SLTM: variants seen among roughly 807,000 people sequenced by gnomAD.
SLTM encodes SAFB like transcription modulator.
A neutral mutation model predicts 134.6 loss-of-function variants in SLTM; 43 were observed. That is an observed-to-expected ratio of 0.32 (90% CI 0.25 to 0.41). The LOEUF (loss-of-function observed/expected upper bound fraction) is 0.41, where lower values mean the gene tolerates loss of function less well. Among genes scored for constraint, SLTM ranks in the 10% least tolerant of loss-of-function variants. The probability of loss-of-function intolerance (pLI) is 1.00; values close to 1 mark genes in which losing one functional copy is unlikely to be tolerated. For synonymous variants in SLTM, 424 were observed against 432.3 expected, an observed-to-expected ratio of 0.98 and a Z score of 0.24; for missense variants, 1,055 against 1,288.8, an observed-to-expected ratio of 0.82 and a Z score of 2.78.
chr15:58,911,128 A>G, intron 5 of SLTM, among the ~76,000 whole-genome samples: 1 of 152,128 alleles, frequency 6.6e-6, no homozygotes, highest in East Asian at 1.9e-4. Flanking sequence ...TCCTTCCCGA[A>G]TATTCCAAAT....
intron 8 of SLTM, chr15:58,897,533 T>C: frequency 5.0e-6 from 1 of 199,720 alleles, no homozygotes. Context: ...CTGCACTGAA[T>C]AGAGACAACT....
chr15:58,890,923 A>G (rs1380133487), intron 14 of SLTM, among the ~76,000 whole-genome samples: 1 of 152,236 alleles, frequency 6.6e-6, no homozygotes, highest in Non-Finnish European at 1.5e-5. Context: ...CATCAATAAT[A>G]GCAAATACTA....
chr15:58,898,773 C>T lies in SLTM; in HGVS notation c.1108+30G>A, dbSNP rs1407634021. Reference sequence around the variant, plus strand: ...TTAATGAAAATACACAATGTCAACACTGAAATAAATAGGGAAAAAAATTCT... The same window carrying T: ...TTAATGAAAATACACAATGTCAACATTGAAATAAATAGGGAAAAAAATTCT... On this transcript the variant is annotated intron_variant, in intron 8 of 20. Transcript: ENST00000380516. 6 of 1,535,334 alleles carry T rather than the reference C, an allele frequency of 3.9e-6. No individual in the cohort carries two copies. In the African/African-American group the frequency reaches 8.3e-5, roughly 21 times the overall value.
intron 9 of SLTM, among the ~76,000 whole-genome samples, chr15:58,895,373 AT>A (rs1414916351): frequency 6.6e-6 from 1 of 152,226 alleles, no homozygotes; most frequent in Admixed American, 6.5e-5. Context: ...CTTTCAATCT[AT>A]GTGCTTTTAA....
chr15:58,880,619 A>G (rs2033619457), intron 20 of SLTM, among the ~76,000 whole-genome samples: 1 of 152,190 alleles, frequency 6.6e-6, no homozygotes, highest in Non-Finnish European at 1.5e-5. Flanking sequence ...GTGCAGTGGC[A>G]CATTCATGGC....
intron 6 of SLTM, 134 bp from the exon 7 acceptor site, chr15:58,900,071 A>C (rs79508700): frequency 1.0e-5 from 7 of 676,040 alleles, no homozygotes; most frequent in African/African-American, 3.6e-5. Context: ...AAAAAAAAAA[A>C]ACACAAGGGT....
chr15:58,887,065 G>T lies in SLTM; in HGVS notation c.2745C>A (p.Gly915=), dbSNP rs2124203. 4 of 1,613,772 alleles carry T rather than the reference G, an allele frequency of 2.5e-6. No individual in the cohort carries two copies. ...CGCTGCTACGATTCCCAGGGGGAGC[G>T]CCTCTCACACTGTGCCCTGATACTT... The part of the protein sequence containing the change: ...GREVSGHSVR[G]APPGNRSSAS... The change falls in exon 19 of 21, where the codon GGC becomes GGA. Residue 915 remains glycine, a synonymous_variant. Coordinates refer to ENST00000380516, the MANE Select transcript of SLTM (RefSeq NM_024755.4).
chr15:58,917,157 C>CA, intron 2 of SLTM, 158 bp from the exon 3 acceptor site: 2 of 615,964 alleles, frequency 3.2e-6, no homozygotes, highest in Non-Finnish European at 2.8e-6. Flanking sequence ...CTGTCCCAAA[C>CA]AAAAAAAGCT....
chr15:58,894,474 G>A lies in SLTM; in HGVS notation c.1336C>T (p.His446Tyr). Residue 446 changes from histidine to tyrosine, a missense_variant, in exon 10 of 21, where the codon CAT (histidine) becomes TAT (tyrosine). By Grantham distance (83) the His-to-Tyr change is moderately conservative. This residue lies in a region of SLTM where 776 missense variants were observed against 962.2 expected (regional missense o/e 0.81). Transcript: ENST00000380516. ...AGCTGTCCATGCAGCTCAGTGCGAT[G>A]AAGATGTGCAATACACCTGGACACC... ...TEVSRCIAHL[H>Y]RTELHGQLIS... is the part of the protein sequence containing the mutation. 1 of 1,614,138 alleles carries A rather than the reference G, an allele frequency of 6.2e-7. No homozygotes were observed.
chr15:58,909,581 G>T (rs1479933816), intron 5 of SLTM, among the ~76,000 whole-genome samples: 7 of 152,146 alleles, frequency 4.6e-5, no homozygotes, highest in African/African-American at 1.2e-4. Flanking sequence ...ACCCCTAATT[G>T]GGTATGAATC....
At chr15:58,901,087 AGAAAATTAAAACCAATT>A in intron 6 of SLTM, 156 bp downstream of exon 6, 1 of 610,786 alleles carries the variant, frequency 1.6e-6, no homozygotes, top group Non-Finnish European at 2.9e-6. Flanking sequence ...AGTGTTCAAA[AGAAAATTAAAACCAATT>A]GGAAAATAAA....
chr15:58,888,655 T>A, intron 16 of SLTM, 100 bp from the exon 17 acceptor site: 1 of 1,139,478 alleles, frequency 8.8e-7, no homozygotes, highest in Non-Finnish European at 1.2e-6. Context: ...ACTGTGGACA[T>A]AACAGGGCTA....
intron 2 of SLTM, among the ~76,000 whole-genome samples, chr15:58,929,667 C>T (rs1200658038): frequency 6.6e-6 from 1 of 152,048 alleles, no homozygotes; most frequent in Non-Finnish European, 1.5e-5. Flanking sequence ...CTCAAGCGAT[C>T]CTCCCACCTT....
At chr15:58,933,272 C>T in intron 1 of SLTM, 132 bp downstream of exon 1, 1 of 977,626 alleles carries the variant, frequency 1.0e-6, no homozygotes, top group Non-Finnish European at 1.4e-6. Context: ...GGGAGCCGCC[C>T]CTGGCCTCCC....
intron 2 of SLTM, among the ~76,000 whole-genome samples, chr15:58,927,537 C>T (rs1390169311): frequency 6.6e-6 from 1 of 152,210 alleles, no homozygotes; most frequent in African/African-American, 2.4e-5. Flanking sequence ...TCCCAAAGTA[C>T]TGGGATTACA....
Position 58,893,815 on chromosome 15 carries a change from G to A in SLTM, c.1648+6C>T, listed in dbSNP as rs1279341704. 2 of 1,604,408 alleles carry A rather than the reference G, an allele frequency of 1.2e-6. No individual in the cohort carries two copies. Among genetic ancestry groups the A allele is most frequent in the Non-Finnish European group, 1.7e-6 (2 of 1,177,548 alleles). ...TAGAAAGGGATTGAAAAGATGTATA[G>A]CATACTTATTCGCTTCTTTTCTTCA... On this transcript the variant is annotated splice_donor_region_variant and intron_variant, in intron 12 of 20. Coordinates refer to ENST00000380516, the MANE Select transcript of SLTM (RefSeq NM_024755.4).
chr15:58,927,757 A>G (rs1355532363), intron 2 of SLTM, among the ~76,000 whole-genome samples: 16 of 152,220 alleles, frequency 1.1e-4, no homozygotes, highest in African/African-American at 3.4e-4. Flanking sequence ...AGAAATATCT[A>G]TAACAATTAT....
intron 3 of SLTM, among the ~76,000 whole-genome samples, chr15:58,915,309 A>G (rs767193058): frequency 9.2e-5 from 14 of 152,260 alleles, no homozygotes; most frequent in Non-Finnish European, 1.9e-4. Flanking sequence ...TGTGGCACAT[A>G]TAAGAGACAG....
At chr15:58,886,798 C>A (rs754238924) in intron 19 of SLTM, among the ~76,000 whole-genome samples, 177 bp downstream of exon 19, 19 of 152,130 alleles carry the variant, frequency 1.2e-4, no homozygotes, top group Non-Finnish European at 2.6e-4. Flanking sequence ...CAACTACTGA[C>A]AGTAAAGTAT....
Sources: gnomAD v4.1 joint callset for allele counts (sites outside exome capture counted in the v4.1 genomes callset) on GRCh38, gnomAD v4.1.1 for gene constraint, gnomAD v4.1.1 regional missense constraint, MANE v1.5 for transcripts, NCBI Gene and HGNC (gene_info 2026-07-23, HGNC 2026-07-21) for gene names.